Variants in PLPP4 observed in about 807,000 individuals in gnomAD.
PLPP4 encodes phospholipid phosphatase 4, also known as diacylglycerol pyrophosphate like 2.
Under a neutral mutation model 32.2 loss-of-function variants are expected in PLPP4, and 20 were observed. The ratio of observed to expected loss-of-function variants is 0.62; its 90% CI spans 0.44 to 0.90. The LOEUF is 0.90. Ranked by LOEUF, PLPP4 falls within the 40% of genes least tolerant of loss-of-function variation. PLPP4 has a pLI of 0.00. For missense variants in PLPP4, 257 were observed against 353.1 expected, an observed-to-expected ratio of 0.73 and a Z score of 2.18; for synonymous variants, 127 against 133.0, an observed-to-expected ratio of 0.95 and a Z score of 0.31.
intron 1 of PLPP4, 65 bp from the exon 2 acceptor site, chr10:120,503,753 T>C: frequency 6.3e-7 from 1 of 1,590,648 alleles, no homozygotes; most frequent in South Asian, 1.1e-5. Flanking sequence ...AAGGGGGGCC[T>C]CCTTGGGAAC....
chr10:120,482,248 T>G (rs567346731), intron 1 of PLPP4, among the ~76,000 whole-genome samples: 1 of 152,282 alleles, frequency 6.6e-6, no homozygotes, highest in African/African-American at 2.4e-5. Flanking sequence ...CAGGAAAATG[T>G]GGGAAAGTTT....
chr10:120,457,204 G>T, upstream of PLPP4: 14 of 873,646 alleles, frequency 1.6e-5, no homozygotes, highest in Non-Finnish European at 2.1e-5. Context: ...GGCCTGGAGC[G>T]CGCCTCCCTC....
intron 1 of PLPP4, among the ~76,000 whole-genome samples, chr10:120,481,935 G>A (rs1844225296): frequency 6.6e-6 from 1 of 152,122 alleles, no homozygotes; most frequent in African/African-American, 2.4e-5. Flanking sequence ...TATAAGGGGG[G>A]GTTTCCCACA....
At chr10:120,560,903 T>C (rs1267647353) in intron 5 of PLPP4, among the ~76,000 whole-genome samples, 1 of 152,200 alleles carries the variant, frequency 6.6e-6, no homozygotes, top group African/African-American at 2.4e-5. Flanking sequence ...TAGTAAAATT[T>C]TGGGGGGAGT....
Position 120,589,959 on chromosome 10 carries a change from C to A in PLPP4, c.*457C>A, listed in dbSNP as rs1849944120. 1 of 155,066 alleles carries A rather than the reference C, an allele frequency of 6.4e-6. No individual in the cohort carries two copies. The highest frequency in any genetic ancestry group is 6.5e-5 in the Admixed American group (1 of 15,470). 9.6% of individuals were successfully genotyped at this position (155,066 alleles called of 1,614,324 possible). On this transcript the variant is annotated 3_prime_UTR_variant, in exon 7 of 7. Transcript: ENST00000398250. Reference sequence around the variant, plus strand: ...TCATTCCAGGTGCTGAGCTTGGAAGCAAAGGCTCAGAACCTTTCTGAGCCA... The same window carrying A: ...TCATTCCAGGTGCTGAGCTTGGAAGAAAAGGCTCAGAACCTTTCTGAGCCA...
Position 120,564,569 on chromosome 10 carries a change from A to G in PLPP4, c.446-10562A>G, listed in dbSNP as rs181301660. 2.5e-3 allele frequency among the ~76,000 whole-genome samples: 373 copies of G among 152,084 alleles called. 7 individuals carry two copies. Among genetic ancestry groups the G allele is most frequent in the African/African-American group, 8.5e-3 (352 of 41,590 alleles). On this transcript the variant is annotated intron_variant, in intron 5 of 6. Transcript: ENST00000398250. ...TTTGTCAATAGCAAAGATGTGAATT[A>G]AAATTTTCCACTATTATGGCAAATG... is the stretch of plus-strand genomic sequence containing the variant.
At chr10:120,501,144 G>A (rs921176640) in intron 1 of PLPP4, among the ~76,000 whole-genome samples, 5 of 152,200 alleles carry the variant, frequency 3.3e-5, no homozygotes, top group Non-Finnish European at 7.3e-5. Context: ...CCTAGGCGAT[G>A]AGCCCCTCTC....
intron 6 of PLPP4, among the ~76,000 whole-genome samples, chr10:120,583,069 G>A (rs576549254): frequency 6.6e-6 from 1 of 152,092 alleles, no homozygotes; most frequent in South Asian, 2.1e-4. Context: ...TGTTGAGTTT[G>A]CCAGAGCTGA....
intron 5 of PLPP4, among the ~76,000 whole-genome samples, chr10:120,564,286 T>G (rs900034436): frequency 6.6e-6 from 1 of 152,080 alleles, no homozygotes; most frequent in African/African-American, 2.4e-5. Context: ...TCTTGTTATA[T>G]CTTCAAAATA....
intron 5 of PLPP4, among the ~76,000 whole-genome samples, chr10:120,556,389 G>A (rs1352428470): frequency 6.6e-6 from 1 of 152,194 alleles, no homozygotes; most frequent in Non-Finnish European, 1.5e-5. Context: ...CACAGCGGGA[G>A]TGGAACAGTT....
rs1453033341 is a variant in PLPP4 at position 120,521,007 on chromosome 10, T to TG, written c.359dup (p.Val121SerfsTer11). 4 of 1,613,970 alleles carry TG rather than the reference T, an allele frequency of 2.5e-6. No homozygotes were observed. In the African/African-American group the frequency reaches 4.0e-5, roughly 16 times the overall value. On this transcript the variant is annotated frameshift_variant, in exon 5 of 7. Coordinates refer to ENST00000398250, the MANE Select transcript of PLPP4 (RefSeq NM_001030059.3). LOFTEE classifies it high-confidence loss of function. ...ATTTCTTTTACCGCTGCTTTCCAGA[T>TG]GGAGTGATGAACTCGGAAATGCATT...
At chr10:120,580,169 A>C (rs1018605320) in intron 6 of PLPP4, among the ~76,000 whole-genome samples, 2 of 151,610 alleles carry the variant, frequency 1.3e-5, no homozygotes, top group African/African-American at 4.8e-5. Flanking sequence ...GTGGGAACAC[A>C]GCTCTCAGAT....
At position 120,507,121 on chromosome 10, in the gene PLPP4, G is replaced by A. The variant is rs78157386; in HGVS notation, c.165+3195G>A. ...GTTGCTCTTTGGTATACTTTTTGTT[G>A]TCTATAGTAGTTGTGTCTTTGTACA... On this transcript the variant is annotated intron_variant, in intron 2 of 6. Transcript: ENST00000398250. Among the ~76,000 whole-genome samples, 1,280 of 152,236 alleles carry A rather than the reference G, an allele frequency of 8.4e-3. 14 individuals carry two copies. Among genetic ancestry groups the A allele is most frequent in the African/African-American group, 0.029 (1,222 of 41,542 alleles).
intron 1 of PLPP4, among the ~76,000 whole-genome samples, chr10:120,479,847 G>A (rs1237046706): frequency 6.6e-6 from 1 of 152,178 alleles, no homozygotes; most frequent in African/African-American, 2.4e-5. Context: ...TTCTGATGAG[G>A]TATGAGGTCC....
intron 3 of PLPP4, among the ~76,000 whole-genome samples, chr10:120,515,823 C>A (rs1158306985): frequency 6.6e-6 from 1 of 152,154 alleles, no homozygotes; most frequent in African/African-American, 2.4e-5. Context: ...CTAGTGGCTC[C>A]CCTGGCATGG....
At chr10:120,570,522 C>T (rs1848885577) in intron 5 of PLPP4, among the ~76,000 whole-genome samples, 1 of 151,942 alleles carries the variant, frequency 6.6e-6, no homozygotes, top group South Asian at 2.1e-4. Context: ...AAAGCAGGAC[C>T]TGTCTTCCTG....
chr10:120,573,917 G>T (rs11199414), intron 5 of PLPP4, among the ~76,000 whole-genome samples: 6,855 of 152,044 alleles, frequency 0.045, 253 homozygotes, highest in South Asian at 0.21. Context: ...TAAAGTTGCT[G>T]GTGTATTGGC....
chr10:120,506,356 C>T (rs953529853), intron 2 of PLPP4, among the ~76,000 whole-genome samples: 8 of 152,116 alleles, frequency 5.3e-5, no homozygotes, highest in Non-Finnish European at 8.8e-5. Flanking sequence ...AAGATTTGTT[C>T]TCCTGGGTTT....
At chr10:120,582,826 C>T (rs1849582300) in intron 6 of PLPP4, among the ~76,000 whole-genome samples, 2 of 129,122 alleles carry the variant, frequency 1.5e-5, no homozygotes, top group South Asian at 2.9e-4. Context: ...TTCCTTCTCT[C>T]CTTTCTTCTT....
Sources: allele counts gnomAD v4.1 joint callset (sites outside exome capture counted in the v4.1 genomes callset), GRCh38; gene constraint gnomAD v4.1.1; transcripts MANE v1.5; gene names NCBI Gene and HGNC (gene_info 2026-07-23, HGNC 2026-07-21).